Variants in PPP4R4 observed in about 807,000 individuals in gnomAD.
The protein encoded by PPP4R4 is serine/threonine-protein phosphatase 4 regulatory subunit 4.
In PPP4R4, 70 loss-of-function variants were observed where a neutral mutation model predicts 121.8. The observed-to-expected ratio is 0.57, with a 90% CI of 0.47 to 0.70. PPP4R4 has a LOEUF of 0.70. PPP4R4 is among the 30% of genes least tolerant of loss of function. The probability of loss-of-function intolerance (pLI) is 0.00; values close to 1 mark genes in which losing one functional copy is unlikely to be tolerated. For missense variants in PPP4R4, 875 were observed against 1,033.6 expected (o/e 0.85, Z 2.10); for synonymous variants, 348 against 355.7 (o/e 0.98, Z 0.24).
chr14:94,200,246 A>G (rs1014303303), intron 2 of PPP4R4, among the ~76,000 whole-genome samples: 21 of 152,120 alleles, frequency 1.4e-4, no homozygotes, highest in African/African-American at 5.1e-4. Context: ...GCCATTTTGT[A>G]GATTATTTAG....
chr14:94,234,062 C>T (rs1458679199), intron 6 of PPP4R4, among the ~76,000 whole-genome samples: 1 of 152,118 alleles, frequency 6.6e-6, no homozygotes, highest in African/African-American at 2.4e-5. Flanking sequence ...TCAAAATTGG[C>T]AGCGGCATAA....
At chr14:94,219,065 TTTTTCTTTTC>T (rs753832010) in intron 3 of PPP4R4, among the ~76,000 whole-genome samples, 1 of 146,502 alleles carries the variant, frequency 6.8e-6, no homozygotes, top group South Asian at 2.2e-4. Flanking sequence ...ATCTTTTTTT[TTTTTCTTTTC>T]TTTTCTTTTT....
intron 19 of PPP4R4, among the ~76,000 whole-genome samples, 194 bp downstream of exon 19, chr14:94,259,563 A>G (rs1893662273): frequency 6.6e-6 from 1 of 152,236 alleles, no homozygotes; most frequent in Non-Finnish European, 1.5e-5. Context: ...CTTTTAAAAA[A>G]ACTACTTTGC....
intron 5 of PPP4R4, 26 bp from the exon 6 acceptor site, chr14:94,233,626 AT>A (rs1337367473): frequency 7.5e-6 from 11 of 1,470,428 alleles, no homozygotes; most frequent in East Asian, 2.3e-5. Context: ...AATTTTGTGA[AT>A]TTTTTTCTCT....
At chr14:94,250,417 A>G in intron 15 of PPP4R4, 140 bp downstream of exon 15, 1 of 599,578 alleles carries the variant, frequency 1.7e-6, no homozygotes, top group Non-Finnish European at 2.9e-6. Flanking sequence ...ATTTTCTAGA[A>G]ATCCTTATGG....
intron 23 of PPP4R4, among the ~76,000 whole-genome samples, chr14:94,272,437 G>T (rs1894385328): frequency 6.6e-6 from 1 of 152,088 alleles, no homozygotes; most frequent in Admixed American, 6.6e-5. Flanking sequence ...AAATGCAGCT[G>T]GAACAATAGG....
chr14:94,241,186 A>G (rs1566682818), intron 9 of PPP4R4, among the ~76,000 whole-genome samples: 1 of 152,142 alleles, frequency 6.6e-6, no homozygotes, highest in Non-Finnish European at 1.5e-5. Flanking sequence ...ATGTAGAATA[A>G]TGCCATAACT....
chr14:94,278,201 A>G (rs559751281), intron 24 of PPP4R4, among the ~76,000 whole-genome samples: 2 of 152,318 alleles, frequency 1.3e-5, no homozygotes, highest in East Asian at 3.9e-4. Context: ...TTTCAGTGTC[A>G]TTGAGATGAC....
intron 17 of PPP4R4, among the ~76,000 whole-genome samples, chr14:94,256,828 A>G (rs979420370): frequency 2.6e-5 from 4 of 152,176 alleles, no homozygotes; most frequent in Non-Finnish European, 5.9e-5. Context: ...ATATAAGCCC[A>G]TGTTGAGAGA....
chr14:94,222,276 C>G (rs1265248911), intron 3 of PPP4R4, among the ~76,000 whole-genome samples: 1 of 151,666 alleles, frequency 6.6e-6, no homozygotes, highest in Non-Finnish European at 1.5e-5. Flanking sequence ...TATTATTTCA[C>G]TTTCCCCCTC....
In PPP4R4 at chr14:94,241,967, A is replaced by G; in HGVS notation, c.1146+10A>G. On this transcript the variant is annotated intron_variant, in intron 10 of 24. Coordinates refer to ENST00000304338, the MANE Select transcript of PPP4R4 (RefSeq NM_058237.2). ...TGCTTATAACTTTCCGGTAATAAAT[A>G]TGTATTTATATTTACTGAGGATTTT... 1 of 1,564,668 alleles carries G rather than the reference A, an allele frequency of 6.4e-7. No homozygotes were observed. The highest frequency in any genetic ancestry group is 1.4e-5 in the African/African-American group (1 of 72,582).
At chr14:94,219,413 T>G (rs1354495975) in intron 3 of PPP4R4, among the ~76,000 whole-genome samples, 1 of 152,134 alleles carries the variant, frequency 6.6e-6, no homozygotes, top group Non-Finnish European at 1.5e-5. Flanking sequence ...AGATGGAAAT[T>G]GATTTACATG....
At chr14:94,252,549 C>T (rs1329659482) in intron 16 of PPP4R4, among the ~76,000 whole-genome samples, 2 of 151,748 alleles carry the variant, frequency 1.3e-5, no homozygotes, top group Non-Finnish European at 2.9e-5. Context: ...CTATTTTAAC[C>T]ATTTATAAGT....
At chr14:94,262,367 A>G (rs913843481) in intron 19 of PPP4R4, among the ~76,000 whole-genome samples, 7 of 151,938 alleles carry the variant, frequency 4.6e-5, no homozygotes, top group Non-Finnish European at 1.0e-4. Context: ...CCTTTTAATT[A>G]TGGCATTAAT....
intron 22 of PPP4R4, 24 bp from the exon 23 acceptor site, chr14:94,266,934 TA>T: frequency 6.8e-7 from 1 of 1,475,870 alleles, no homozygotes; most frequent in Non-Finnish European, 9.4e-7. Context: ...TTTTGTATTT[TA>T]AACTAAATCA....
chr14:94,233,637 T>G lies in PPP4R4; in HGVS notation c.517-16T>G, dbSNP rs766165457. 6.6e-7 allele frequency: 1 copy of G among 1,517,566 alleles called. No homozygotes were observed. The highest frequency in any genetic ancestry group is 9.1e-7 in the Non-Finnish European group (1 of 1,103,172). 94.0% of individuals were successfully genotyped at this position (1,517,566 alleles called of 1,614,324 possible). On this transcript the variant is annotated splice_polypyrimidine_tract_variant and intron_variant, in intron 5 of 24. Coordinates refer to ENST00000304338, the MANE Select transcript of PPP4R4 (RefSeq NM_058237.2). Reference sequence around the variant, plus strand: ...ATAAAATTTTGTGAATTTTTTTCTCTAAATTTTCTCTTTAGATTTTGAATC... The same window carrying G: ...ATAAAATTTTGTGAATTTTTTTCTCGAAATTTTCTCTTTAGATTTTGAATC...
Position 94,251,903 on chromosome 14 carries a change from T to C in PPP4R4, c.1865+7T>C, listed in dbSNP as rs1476917376. 2 of 1,564,400 alleles carry C rather than the reference T, an allele frequency of 1.3e-6. No individual in the cohort carries two copies. The highest frequency in any genetic ancestry group is 1.7e-6 in the Non-Finnish European group (2 of 1,154,440). ...ATCCAGTAGCAAATGTGAGGTATGT[T>C]ATCAATGAAGGAAAATATTGGAAAT... is the stretch of plus-strand genomic sequence containing the variant. On this transcript the variant is annotated splice_region_variant and intron_variant, in intron 16 of 24. Transcript: ENST00000304338.
At chr14:94,175,165 C>G (rs1477078248) in intron 1 of PPP4R4, among the ~76,000 whole-genome samples, 1 of 151,874 alleles carries the variant, frequency 6.6e-6, no homozygotes, top group Non-Finnish European at 1.5e-5. Context: ...TCCCCTCACC[C>G]CCAGCCCAAG....
At chr14:94,187,939 A>T (rs1567105110) in intron 2 of PPP4R4, among the ~76,000 whole-genome samples, 1 of 152,182 alleles carries the variant, frequency 6.6e-6, no homozygotes, top group Non-Finnish European at 1.5e-5. Flanking sequence ...ATCATCAGTT[A>T]TGTTAATTTA....
Sources: allele counts gnomAD v4.1 joint callset (sites outside exome capture counted in the v4.1 genomes callset), GRCh38; gene constraint gnomAD v4.1.1; transcripts MANE v1.5; gene names NCBI Gene and HGNC (gene_info 2026-07-23, HGNC 2026-07-21).